The following BRINP1 variants were observed in gnomAD, a reference collection of about 807,000 sequenced individuals.
The protein encoded by BRINP1 is BMP/retinoic acid inducible neural specific 1.
BRINP1 carries 17 observed loss-of-function variants against 72.9 expected under a neutral mutation model. The observed-to-expected ratio is 0.23, with a 90% CI of 0.16 to 0.35. The LOEUF (loss-of-function observed/expected upper bound fraction) is 0.35. Among genes scored for constraint, BRINP1 ranks in the 10% least tolerant of loss-of-function variants. The pLI, the probability that BRINP1 is intolerant of heterozygous loss-of-function variation, is 1.00. For synonymous variants in BRINP1, 418 were observed against 378.5 expected (o/e 1.10, Z -1.21); for missense variants, 850 against 1,001.6 (o/e 0.85, Z 2.04).
At chr9:119,208,964 A>G (rs1241450619) in intron 6 of BRINP1, 23 bp from the exon 7 acceptor site, 1 of 1,590,896 alleles carries the variant, frequency 6.3e-7, no homozygotes, top group Admixed American at 1.7e-5. Context: ...AAAGGCCGAG[A>G]GAGAAGGGCT....
chr9:119,312,044 A>G (rs1831074093), intron 2 of BRINP1, among the ~76,000 whole-genome samples: 1 of 152,252 alleles, frequency 6.6e-6, no homozygotes, highest in Non-Finnish European at 1.5e-5. Flanking sequence ...TTCATGGCAC[A>G]TGATAAGTGC....
At chr9:119,284,409 G>GT (rs1445552099) in intron 2 of BRINP1, among the ~76,000 whole-genome samples, 2 of 152,196 alleles carry the variant, frequency 1.3e-5, no homozygotes, top group Non-Finnish European at 1.5e-5. Context: ...CCCTAGCTCT[G>GT]TGTTTGGCAA....
At chr9:119,265,008 T>C (rs913239110) in intron 2 of BRINP1, among the ~76,000 whole-genome samples, 5 of 152,140 alleles carry the variant, frequency 3.3e-5, no homozygotes, top group South Asian at 2.1e-4. Context: ...ACACTGTCTG[T>C]CCTGTCTCCT....
At chr9:119,258,730 C>A (rs1830469431) in intron 2 of BRINP1, among the ~76,000 whole-genome samples, 1 of 152,154 alleles carries the variant, frequency 6.6e-6, no homozygotes, top group Non-Finnish European at 1.5e-5. Context: ...CTGTCTTATT[C>A]CATTTTCTTG....
At chr9:119,215,276 C>T (rs1448176191) in intron 5 of BRINP1, among the ~76,000 whole-genome samples, 1 of 152,116 alleles carries the variant, frequency 6.6e-6, no homozygotes, top group Non-Finnish European at 1.5e-5. Flanking sequence ...TACAGAGAGC[C>T]AATGATAGAG....
intron 1 of BRINP1, among the ~76,000 whole-genome samples, chr9:119,332,684 G>T (rs547722478): frequency 6.6e-6 from 1 of 152,116 alleles, no homozygotes; most frequent in South Asian, 2.1e-4. Flanking sequence ...GCAGGCTCTC[G>T]AGCTAACATG....
chr9:119,249,061 C>T lies in BRINP1; in HGVS notation c.308G>A (p.Arg103Lys). ...HPVPLMPEFQ[R>K]SIRLLGRRPT... ...TCTCCTGCCAAGCAGGCGGATGCTC[C>T]TTTGAAACTCCGGCATGAGGGGCAC... The change falls in exon 3 of 8, where the codon AGG (arginine) becomes AAG (lysine). Residue 103 changes from arginine to lysine, a missense_variant. Physicochemically the swap from Arg to Lys is conservative, Grantham distance 26 (BLOSUM62 2). Coordinates refer to ENST00000265922, the MANE Select transcript of BRINP1 (RefSeq NM_014618.3). The T allele has an allele frequency of 3.1e-6, 5 of 1,614,090 alleles. No individual in the cohort carries two copies. Among genetic ancestry groups the T allele is most frequent in the Non-Finnish European group, 4.2e-6 (5 of 1,180,014 alleles).
At chr9:119,320,810 A>G (rs1355076720) in intron 1 of BRINP1, among the ~76,000 whole-genome samples, 1 of 152,202 alleles carries the variant, frequency 6.6e-6, no homozygotes, top group Non-Finnish European at 1.5e-5. Context: ...AGTTGCTGTG[A>G]AAGTCATTTT....
At chr9:119,195,644 G>C (rs1829730349) in intron 7 of BRINP1, among the ~76,000 whole-genome samples, 2 of 152,206 alleles carry the variant, frequency 1.3e-5, no homozygotes, top group African/African-American at 4.8e-5. Flanking sequence ...ACCAGAAATG[G>C]AGCACCTTCC....
At chr9:119,182,379 A>G (rs959271216) in intron 7 of BRINP1, among the ~76,000 whole-genome samples, 1 of 152,230 alleles carries the variant, frequency 6.6e-6, no homozygotes, top group Non-Finnish European at 1.5e-5. Flanking sequence ...ACAACTTTCA[A>G]TGACAGAATA....
rs982158504 is a variant in BRINP1 at position 119,232,595 on chromosome 9, A to G, written c.685+6060T>C. Among the ~76,000 whole-genome samples the G allele has an allele frequency of 2.0e-5, 3 of 152,264 alleles. No homozygotes were observed. In the Middle Eastern group the frequency reaches 0.01, roughly 518 times the overall value. ...TCCACACATCAATTATAAGCTCAAA[A>G]TGATTCATTTATCTTATTCACTGCT... On this transcript the variant is annotated intron_variant, in intron 5 of 7. Coordinates refer to ENST00000265922, the MANE Select transcript of BRINP1 (RefSeq NM_014618.3).
intron 2 of BRINP1, among the ~76,000 whole-genome samples, chr9:119,281,187 T>C (rs929899343): frequency 2.0e-5 from 3 of 152,218 alleles, no homozygotes; most frequent in African/African-American, 2.4e-5. Context: ...ACAGTTCTCA[T>C]TGCTCACTGC....
At chr9:119,320,463 G>T (rs1831174379) in intron 1 of BRINP1, among the ~76,000 whole-genome samples, 1 of 152,134 alleles carries the variant, frequency 6.6e-6, no homozygotes, top group Non-Finnish European at 1.5e-5. Flanking sequence ...GGCCCTCAAA[G>T]AGCTTATTTT....
intron 1 of BRINP1, among the ~76,000 whole-genome samples, chr9:119,362,470 T>C (rs570725071): frequency 1.3e-5 from 2 of 152,320 alleles, no homozygotes; most frequent in South Asian, 4.1e-4. Flanking sequence ...CAATCTATCA[T>C]GAATGATAAT....
chr9:119,301,770 A>G (rs948371143), intron 2 of BRINP1, among the ~76,000 whole-genome samples: 1 of 152,224 alleles, frequency 6.6e-6, no homozygotes, highest in African/African-American at 2.4e-5. Flanking sequence ...ACCTTTCTGT[A>G]CTATCGTAGC....
At chr9:119,335,234 T>G (rs1451150985) in intron 1 of BRINP1, among the ~76,000 whole-genome samples, 1 of 152,108 alleles carries the variant, frequency 6.6e-6, no homozygotes, top group Admixed American at 6.5e-5. Context: ...CCAAGAGAGT[T>G]GGTGAGTGCA....
At chr9:119,253,539 T>C (rs1264530933) in intron 2 of BRINP1, among the ~76,000 whole-genome samples, 1 of 152,056 alleles carries the variant, frequency 6.6e-6, no homozygotes, top group Admixed American at 6.5e-5. Flanking sequence ...CATTCATTTG[T>C]GGGAGATGAA....
chr9:119,312,638 T>C (rs1357567555), intron 2 of BRINP1, among the ~76,000 whole-genome samples: 1 of 152,196 alleles, frequency 6.6e-6, no homozygotes, highest in Non-Finnish European at 1.5e-5. Context: ...AATGTTTGAA[T>C]GTATTTGGGT....
chr9:119,275,400 C>G (rs914648), intron 2 of BRINP1, among the ~76,000 whole-genome samples: 29,060 of 152,132 alleles, frequency 0.19, 3,261 homozygotes, highest in South Asian at 0.27. Context: ...GTTTATCTCT[C>G]TCCCTTTGAC....
Sources: gnomAD v4.1 joint callset for allele counts (sites outside exome capture counted in the v4.1 genomes callset) on GRCh38, gnomAD v4.1.1 for gene constraint, MANE v1.5 for transcripts, NCBI Gene and HGNC (gene_info 2026-07-23, HGNC 2026-07-21) for gene names.